Variants in MGAM2 observed in about 807,000 individuals in gnomAD.
The protein encoded by MGAM2 is maltase-glucoamylase 2 (putative).
Under a neutral mutation model 96.1 loss-of-function variants are expected in MGAM2, and 98 were observed. The observed-to-expected ratio is 1.02, with a 90% CI of 0.87 to 1.21. The LOEUF is 1.21. Among genes scored for constraint, MGAM2 ranks in the 50% most tolerant of loss-of-function variants. The pLI, the probability that MGAM2 is intolerant of heterozygous loss-of-function variation, is 0.00. For synonymous variants in MGAM2, 749 were observed against 414.8 expected, an observed-to-expected ratio of 1.81 and a Z score of -9.79; for missense variants, 2,055 against 1,182.4, an observed-to-expected ratio of 1.74 and a Z score of -10.82.
At position 142,212,070 on chromosome 7, in the gene MGAM2, A is replaced by G. The variant is rs140772529; in HGVS notation, c.5187+3448A>G. On this transcript the variant is annotated intron_variant, in intron 46 of 47. Transcript: ENST00000477922. Reference sequence around the variant, plus strand: ...TTAAAGAAAAGAATTTTCAACCCAGAATTTCAAATCCAGCCAAACTAAGCT... The same window carrying G: ...TTAAAGAAAAGAATTTTCAACCCAGGATTTCAAATCCAGCCAAACTAAGCT... Among the ~76,000 whole-genome samples, 1,191 of 152,316 alleles carry G rather than the reference A, an allele frequency of 7.8e-3. 19 individuals are homozygous for G. The highest frequency in any genetic ancestry group is 0.026 in the African/African-American group (1,088 of 41,556).
chr7:142,208,694 G>A (rs1248247254), intron 46 of MGAM2, 72 bp downstream of exon 46: 13 of 674,538 alleles, frequency 1.9e-5, no homozygotes, highest in African/African-American at 5.4e-5. Flanking sequence ...AGTTAACTGC[G>A]TAAATGTAAT....
At chr7:142,216,227 C>G (rs1199731646) in intron 46 of MGAM2, among the ~76,000 whole-genome samples, 1 of 152,116 alleles carries the variant, frequency 6.6e-6, no homozygotes. Flanking sequence ...GTTGAAGACT[C>G]TACATATTTT....
chr7:142,215,087 G>A (rs1767334218), intron 46 of MGAM2, among the ~76,000 whole-genome samples: 1 of 152,186 alleles, frequency 6.6e-6, no homozygotes, highest in Admixed American at 6.5e-5. Context: ...TAAAGAAAAT[G>A]TGGCACATAT....
In MGAM2 at chr7:142,164,898, A is replaced by C. The variant is rs1398451368; in HGVS notation, c.2527A>C (p.Thr843Pro). Residue 843 changes from threonine (T) to proline (P), a missense_variant, in exon 24 of 48, where the codon ACT (threonine) becomes CCT (proline). Transcript: ENST00000477922. ...AKIINNNYMDTDNLMFTDITI... is the reference protein window; with the variant it reads ...AKIINNNYMDPDNLMFTDITI... ...GATTATAAATAATAATTATATGGACACTGACAACCTCATGTTCACAGATAT... is the reference window on the plus strand; with the variant it reads ...GATTATAAATAATAATTATATGGACCCTGACAACCTCATGTTCACAGATAT... 2.8e-6 allele frequency: 2 copies of C among 702,124 alleles called. No homozygotes were observed. Among genetic ancestry groups the C allele is most frequent in the Non-Finnish European group, 5.2e-6 (2 of 384,736 alleles). 43.5% of individuals were successfully genotyped at this position (702,124 alleles called of 1,614,324 possible).
chr7:142,177,370 T>C (rs960616397), intron 32 of MGAM2, among the ~76,000 whole-genome samples: 1 of 152,174 alleles, frequency 6.6e-6, no homozygotes, highest in Non-Finnish European at 1.5e-5. Context: ...CCTCCTACCA[T>C]GTCCCTCTTA....
chr7:142,151,759 A>C (rs564125637), intron 15 of MGAM2, among the ~76,000 whole-genome samples: 190 of 152,220 alleles, frequency 1.2e-3, no homozygotes, highest in African/African-American at 4.3e-3. Flanking sequence ...AATAGTTAAA[A>C]GGTAATTGTG....
At chr7:142,161,080 C>T (rs1176441346) in intron 21 of MGAM2, 45 bp from the exon 22 acceptor site, 1 of 699,358 alleles carries the variant, frequency 1.4e-6, no homozygotes, top group Admixed American at 2.0e-5. Flanking sequence ...TCACATAGTT[C>T]CATCTCATCT....
chr7:142,129,513 G>GTTGTAA (rs1794822646), intron 3 of MGAM2, among the ~76,000 whole-genome samples: 1 of 152,120 alleles, frequency 6.6e-6, no homozygotes, highest in Non-Finnish European at 1.5e-5. Flanking sequence ...TTCAATTGTA[G>GTTGTAA]TTGTAATTGT....
intron 2 of MGAM2, among the ~76,000 whole-genome samples, chr7:142,118,223 T>A (rs1255652523): frequency 1.3e-5 from 2 of 152,156 alleles, no homozygotes; most frequent in Non-Finnish European, 2.9e-5. Context: ...TTCTGTGAAT[T>A]TGACTATTTT....
intron 42 of MGAM2, 68 bp downstream of exon 42, chr7:142,197,796 A>G: frequency 1.4e-6 from 1 of 700,242 alleles, no homozygotes; most frequent in Non-Finnish European, 2.6e-6. Context: ...AAAGCATTTT[A>G]AAGATCATCT....
At chr7:142,177,733 A>T (rs946481405) in intron 32 of MGAM2, among the ~76,000 whole-genome samples, 3 of 152,252 alleles carry the variant, frequency 2.0e-5, no homozygotes, top group South Asian at 4.1e-4. Context: ...TTATTCCATG[A>T]TATATATGTA....
intron 46 of MGAM2, among the ~76,000 whole-genome samples, chr7:142,210,494 T>C (rs1434971823): frequency 6.6e-6 from 1 of 152,140 alleles, no homozygotes; most frequent in Admixed American, 6.5e-5. Context: ...AAGCTCGAGT[T>C]TGGTGGAGGG....
At chr7:142,170,847 T>C (rs1263796871) in intron 27 of MGAM2, among the ~76,000 whole-genome samples, 2 of 152,228 alleles carry the variant, frequency 1.3e-5, no homozygotes, top group Admixed American at 6.5e-5. Flanking sequence ...GTGAGTGATT[T>C]CCTCTCTGTT....
chr7:142,202,740 C>A (rs1442052361), intron 45 of MGAM2, among the ~76,000 whole-genome samples: 1 of 152,100 alleles, frequency 6.6e-6, no homozygotes, highest in Non-Finnish European at 1.5e-5. Flanking sequence ...TGGGTTGATT[C>A]CATGTCTTTG....
rs926895099 is a variant in MGAM2 at position 142,131,638 on chromosome 7, G to T, written c.420+11G>T. Reference sequence around the variant, plus strand: ...CGGTTTCATTTTAAGGTTGGTTTGGGAGTGACTGCTAAATACATTTCTGAA... The same window carrying T: ...CGGTTTCATTTTAAGGTTGGTTTGGTAGTGACTGCTAAATACATTTCTGAA... On this transcript the variant is annotated intron_variant, in intron 5 of 47. Coordinates refer to ENST00000477922, the MANE Select transcript of MGAM2 (RefSeq NM_001293626.2). 7.1e-6 allele frequency: 5 copies of T among 702,842 alleles called. No individual in the cohort carries two copies. The highest frequency in any genetic ancestry group is 1.0e-5 in the Non-Finnish European group (4 of 384,926). The allele number at this position is 702,842 out of a possible 1,614,324, so 43.5% of individuals were successfully genotyped here.
At chr7:142,123,436 CAGG>C in intron 3 of MGAM2, among the ~76,000 whole-genome samples, 1 of 152,248 alleles carries the variant, frequency 6.6e-6, no homozygotes, top group East Asian at 1.9e-4. Context: ...TAGTAGTATA[CAGG>C]AGTTCATTTG....
In MGAM2 at chr7:142,196,560, T is replaced by C. The variant is rs1164542506; in HGVS notation, c.4481-5T>C. The stretch of plus-strand genomic sequence containing the variant: ...CTCCAACACAGCTGTGTCTTCTCTT[T>C]GCAGGCATGATGGAGTTCAGTCTCT... On this transcript the variant is annotated splice_polypyrimidine_tract_variant and splice_region_variant and intron_variant, in intron 38 of 47. Transcript: ENST00000477922. 4.2e-6 allele frequency: 3 copies of C among 718,350 alleles called. No homozygotes were observed. In the African/African-American group the frequency reaches 5.2e-5, roughly 12 times the overall value. 44.5% of individuals were successfully genotyped at this position (718,350 alleles called of 1,614,324 possible).
At chr7:142,129,639 A>G (rs2129076685) in intron 3 of MGAM2, among the ~76,000 whole-genome samples, 1 of 151,924 alleles carries the variant, frequency 6.6e-6, no homozygotes, top group African/African-American at 2.4e-5. Flanking sequence ...AGCCTGGCCA[A>G]CATGGTGAAA....
rs1307476140 is a variant in MGAM2 at position 142,220,212 on chromosome 7, A to G, written c.5701A>G (p.Thr1901Ala). 1 of 702,842 alleles carries G rather than the reference A, an allele frequency of 1.4e-6. No individual in the cohort carries two copies. The highest frequency in any genetic ancestry group is 2.0e-5 in the Admixed American group (1 of 49,988). 43.5% of individuals were successfully genotyped at this position (702,842 alleles called of 1,614,324 possible). The change falls in exon 48 of 48, where the codon ACC (threonine) becomes GCC (alanine). Residue 1901 changes from threonine (T) to alanine (A), a missense_variant. Physicochemically the swap from Thr to Ala is moderately conservative, Grantham distance 58 (BLOSUM62 0). Coordinates refer to ENST00000477922, the MANE Select transcript of MGAM2 (RefSeq NM_001293626.2). The part of the protein sequence containing the change: ...ASTNATVPIT[T>A]TPFPTSTIGV... ...CACTAATGCTACTGTTCCTATCACA[A>G]CCACACCTTTCCCAACAAGTACTAT...
Sources: gnomAD v4.1 joint callset for allele counts (sites outside exome capture counted in the v4.1 genomes callset) on GRCh38, gnomAD v4.1.1 for gene constraint, MANE v1.5 for transcripts, NCBI Gene and HGNC (gene_info 2026-07-23, HGNC 2026-07-21) for gene names.